Variants in KBTBD12 observed in about 807,000 individuals in gnomAD.
The protein encoded by KBTBD12 is kelch repeat and BTB domain containing 12.
A neutral mutation model predicts 58.7 loss-of-function variants in KBTBD12; 53 were observed. That is an observed-to-expected ratio of 0.90 (90% CI 0.72 to 1.14). The LOEUF (loss-of-function observed/expected upper bound fraction) is 1.14, where lower values mean the gene tolerates loss of function less well. KBTBD12 is among the 50% of genes most tolerant of loss of function. KBTBD12 has a pLI of 0.00. For missense variants in KBTBD12, 704 were observed against 751.3 expected (o/e 0.94, Z 0.74); for synonymous variants, 236 against 259.8 (o/e 0.91, Z 0.88).
In KBTBD12 at chr3:127,984,287, T is replaced by C. The variant is rs1940928393; in HGVS notation, c.*9T>C. ...AAGGCAATGAGCACTAAGGTGACCTTGCTGGAGGACCTCCTGCTGTTCTGC... is the reference window on the plus strand; with the variant it reads ...AAGGCAATGAGCACTAAGGTGACCTCGCTGGAGGACCTCCTGCTGTTCTGC... On this transcript the variant is annotated 3_prime_UTR_variant, in exon 6 of 6. Transcript: ENST00000405109. 6.2e-7 allele frequency: 1 copy of C among 1,610,670 alleles called. No individual in the cohort carries two copies.
intron 4 of KBTBD12, among the ~76,000 whole-genome samples, chr3:127,954,018 G>A (rs1216676113): frequency 6.6e-6 from 1 of 152,242 alleles, no homozygotes; most frequent in African/African-American, 2.4e-5. Flanking sequence ...TCTCAGGAAC[G>A]TAACTATTTT....
chr3:127,960,190 GC>G (rs920101861), intron 4 of KBTBD12, among the ~76,000 whole-genome samples: 1 of 152,148 alleles, frequency 6.6e-6, no homozygotes, highest in Non-Finnish European at 1.5e-5. Flanking sequence ...TCCCTGCCAG[GC>G]TTTGTGTGGG....
chr3:127,972,510 C>T (rs1176106931), intron 5 of KBTBD12, among the ~76,000 whole-genome samples: 1 of 152,168 alleles, frequency 6.6e-6, no homozygotes, highest in African/African-American at 2.4e-5. Context: ...CAAAGATACA[C>T]ATACAAACAT....
intron 5 of KBTBD12, among the ~76,000 whole-genome samples, chr3:127,979,347 G>A (rs1461561346): frequency 6.6e-6 from 1 of 152,176 alleles, no homozygotes; most frequent in African/African-American, 2.4e-5. Flanking sequence ...AGTGCTCCAG[G>A]AAGTAAGAGT....
chr3:127,957,942 G>T (rs1308121097), intron 4 of KBTBD12, among the ~76,000 whole-genome samples: 1 of 152,212 alleles, frequency 6.6e-6, no homozygotes, highest in Non-Finnish European at 1.5e-5. Context: ...AGACATGAAA[G>T]GCTTTGTGAG....
intron 5 of KBTBD12, among the ~76,000 whole-genome samples, chr3:127,966,889 G>A (rs1460262396): frequency 6.6e-6 from 1 of 152,194 alleles, no homozygotes; most frequent in Non-Finnish European, 1.5e-5. Context: ...TACACAAAGT[G>A]CCAAGAATCA....
At position 127,984,310 on chromosome 3, in the gene KBTBD12, T is replaced by G; in HGVS notation, c.*32T>G. 6.3e-7 allele frequency: 1 copy of G among 1,596,388 alleles called. No homozygotes were observed. The highest frequency in any genetic ancestry group is 8.6e-7 in the Non-Finnish European group (1 of 1,168,326). ...CTTGCTGGAGGACCTCCTGCTGTTC[T>G]GCAAACAAGGCCTTCAGAACGGAGA... On this transcript the variant is annotated 3_prime_UTR_variant, in exon 6 of 6. Transcript: ENST00000405109.
chr3:127,960,308 T>C (rs1430077659), intron 4 of KBTBD12, among the ~76,000 whole-genome samples: 2 of 152,144 alleles, frequency 1.3e-5, no homozygotes, highest in African/African-American at 4.8e-5. Flanking sequence ...GAGGCAGGCA[T>C]TGTCCTCTTC....
intron 4 of KBTBD12, among the ~76,000 whole-genome samples, chr3:127,931,587 C>T (rs1057098835): frequency 3.3e-5 from 5 of 151,992 alleles, no homozygotes; most frequent in African/African-American, 9.7e-5. Context: ...TGAGATTTCC[C>T]CCTAAAGTGG....
At position 127,939,397 on chromosome 3, in the gene KBTBD12, ACTGAAAATACCAGGGAGATC is replaced by A. The variant is rs375124137; in HGVS notation, c.1492+9115_1492+9134del. Among the ~76,000 whole-genome samples, 766 of 152,306 alleles carry A rather than the reference ACTGAAAATACCAGGGAGATC, an allele frequency of 5.0e-3. 6 individuals are homozygous for A. The highest frequency in any genetic ancestry group is 0.017 in the African/African-American group (711 of 41,576). ...GAACCGAAAAAGGGAACATTTGGGA[ACTGAAAATACCAGGGAGATC>A]TCAGGGAGGGTTTTTCAATGTATTT... is the stretch of plus-strand genomic sequence containing the variant. On this transcript the variant is annotated intron_variant, in intron 4 of 5. Coordinates refer to ENST00000405109, the MANE Select transcript of KBTBD12 (RefSeq NM_207335.4).
chr3:127,949,242 A>T (rs1326792703), intron 4 of KBTBD12, among the ~76,000 whole-genome samples: 3 of 152,200 alleles, frequency 2.0e-5, no homozygotes, highest in Non-Finnish European at 2.9e-5. Flanking sequence ...GCACAAGGAG[A>T]GAATTCTTGG....
At position 127,930,190 on chromosome 3, in the gene KBTBD12, C is replaced by T; in HGVS notation, c.1399C>T (p.Pro467Ser). 6 of 1,605,634 alleles carry T rather than the reference C, an allele frequency of 3.7e-6. No individual in the cohort carries two copies. The highest frequency in any genetic ancestry group is 5.1e-6 in the Non-Finnish European group (6 of 1,175,730). ...AAGCAACAAACTGTTGCAGTATGAC[C>T]CCAGCCAAGATCAATGGAGTGTGCG... The part of the protein sequence containing the change: ...RLSNKLLQYD[P>S]SQDQWSVRAP... Residue 467 changes from proline (P) to serine (S), a missense_variant, in exon 4 of 6, where the codon CCC becomes TCC. Transcript: ENST00000405109.
rs867563926 is a variant in KBTBD12 at position 127,968,689 on chromosome 3, G to A, written c.1690+5303G>A. Among the ~76,000 whole-genome samples, 14 of 152,216 alleles carry A rather than the reference G, an allele frequency of 9.2e-5. No homozygotes were observed. The Middle Eastern group carries it at 0.017, about 185-fold the overall frequency. On this transcript the variant is annotated intron_variant, in intron 5 of 5. Transcript: ENST00000405109. ...GCTGTGCTTAATACCTAGGTGATGG[G>A]TTGATCCGTGCAGCACACCACCATG...
intron 1 of KBTBD12, among the ~76,000 whole-genome samples, chr3:127,918,012 C>T (rs374341829): frequency 2.4e-3 from 367 of 152,022 alleles, no homozygotes; most frequent in African/African-American, 8.3e-3. Context: ...GAGTTTGAGA[C>T]GCACCTGGGC....
At chr3:127,924,447 T>G (rs912417042) in intron 2 of KBTBD12, among the ~76,000 whole-genome samples, 1 of 150,768 alleles carries the variant, frequency 6.6e-6, no homozygotes, top group Non-Finnish European at 1.5e-5. Flanking sequence ...TTTAAAATTT[T>G]TTCTCTTCCT....
At chr3:127,915,939 C>T (rs1939224283) in intron 1 of KBTBD12, among the ~76,000 whole-genome samples, 1 of 152,240 alleles carries the variant, frequency 6.6e-6, no homozygotes, top group South Asian at 2.1e-4. Context: ...TCCTGGTTGT[C>T]TTCCCGGAAC....
At chr3:127,924,349 A>G (rs1576371255) in intron 2 of KBTBD12, among the ~76,000 whole-genome samples, 1 of 148,354 alleles carries the variant, frequency 6.7e-6, no homozygotes, top group Non-Finnish European at 1.5e-5. Context: ...TAAATATAGC[A>G]TATATAAAAA....
At chr3:127,946,385 A>G (rs541888323) in intron 4 of KBTBD12, among the ~76,000 whole-genome samples, 1 of 152,074 alleles carries the variant, frequency 6.6e-6, no homozygotes, top group Non-Finnish European at 1.5e-5. Flanking sequence ...TTTTCAAGGT[A>G]TATGTTTTGC....
At chr3:127,973,693 T>A (rs180968120) in intron 5 of KBTBD12, among the ~76,000 whole-genome samples, 2 of 152,066 alleles carry the variant, frequency 1.3e-5, no homozygotes, top group Non-Finnish European at 2.9e-5. Flanking sequence ...TAAGGCAAAA[T>A]GCTAACTATT....
Sources: gnomAD v4.1 joint callset for allele counts (sites outside exome capture counted in the v4.1 genomes callset) on GRCh38, gnomAD v4.1.1 for gene constraint, MANE v1.5 for transcripts, NCBI Gene and HGNC (gene_info 2026-07-23, HGNC 2026-07-21) for gene names.